The following TMTC2 variants were observed in gnomAD, a reference collection of about 807,000 sequenced individuals.
TMTC2 encodes the protein transmembrane O-mannosyltransferase targeting cadherins 2, also known as protein O-mannosyl-transferase TMTC2.
TMTC2 carries 43 observed loss-of-function variants against 82.4 expected under a neutral mutation model. The ratio of observed to expected loss-of-function variants is 0.52; its 90% confidence interval spans 0.41 to 0.67. The LOEUF (loss-of-function observed/expected upper bound fraction) is 0.67. Among genes scored for constraint, TMTC2 ranks in the 30% least tolerant of loss-of-function variants. The pLI, the probability that TMTC2 is intolerant of heterozygous loss-of-function variation, is 0.00. For synonymous variants in TMTC2, 408 were observed against 381.9 expected (o/e 1.07, Z -0.80); for missense variants, 919 against 1,012.4 (o/e 0.91, Z 1.25).
intron 7 of TMTC2, among the ~76,000 whole-genome samples, chr12:82,975,746 TC>T (rs5799604): frequency 0.91 from 138,210 of 151,824 alleles, 63,039 homozygotes; most frequent in East Asian, 1. Flanking sequence ...TCCATTACAC[TC>T]TTTTGACTCA....
chr12:83,033,021 T>C (rs1001224400), intron 9 of TMTC2, among the ~76,000 whole-genome samples: 9 of 152,238 alleles, frequency 5.9e-5, no homozygotes, highest in Admixed American at 3.9e-4. Context: ...GAGGAATGAC[T>C]GTATAATTAA....
intron 7 of TMTC2, among the ~76,000 whole-genome samples, chr12:82,980,307 A>T (rs1878860483): frequency 6.6e-6 from 1 of 151,860 alleles, no homozygotes; most frequent in Non-Finnish European, 1.5e-5. Flanking sequence ...TCATTAAAAG[A>T]AAAATGACCA....
intron 11 of TMTC2, among the ~76,000 whole-genome samples, chr12:83,079,596 TAGAC>T (rs1883396672): frequency 6.6e-6 from 1 of 152,132 alleles, no homozygotes; most frequent in African/African-American, 2.4e-5. Context: ...ATCAGCAAAT[TAGAC>T]AGACCAGCAA....
At chr12:82,735,427 G>A (rs181200009) in intron 1 of TMTC2, among the ~76,000 whole-genome samples, 270 of 150,734 alleles carry the variant, frequency 1.8e-3, no homozygotes, top group African/African-American at 5.9e-3. Context: ...CTCACTGCAA[G>A]CTCCGCCTCC....
intron 11 of TMTC2, among the ~76,000 whole-genome samples, chr12:83,113,030 A>C (rs1020164492): frequency 6.6e-6 from 1 of 152,100 alleles, no homozygotes; most frequent in African/African-American, 2.4e-5. Flanking sequence ...TTCTTTTTCA[A>C]GTTTGGTTTT....
At chr12:82,713,430 A>T (rs939813074) in intron 1 of TMTC2, among the ~76,000 whole-genome samples, 3 of 152,214 alleles carry the variant, frequency 2.0e-5, no homozygotes, top group African/African-American at 7.2e-5. Context: ...GATGTACCAG[A>T]GACTGGGCAA....
At position 82,895,259 on chromosome 12, in the gene TMTC2, C is replaced by T. The variant is rs977086297; in HGVS notation, c.655-559C>T. On this transcript the variant is annotated intron_variant, in intron 2 of 11. Coordinates refer to ENST00000321196, the MANE Select transcript of TMTC2 (RefSeq NM_152588.3). ...GCCTGGTTTATAAATTCTGCAAGGA[C>T]GGAACTCTTTAAGACAATGAAATGG... is the stretch of plus-strand genomic sequence containing the variant. Among the ~76,000 whole-genome samples, 5 of 152,038 alleles carry T rather than the reference C, an allele frequency of 3.3e-5. No homozygotes were observed. The South Asian group carries it at 8.3e-4, about 25-fold the overall frequency.
At chr12:82,715,671 A>G (rs1873861843) in intron 1 of TMTC2, among the ~76,000 whole-genome samples, 1 of 152,184 alleles carries the variant, frequency 6.6e-6, no homozygotes, top group South Asian at 2.1e-4. Flanking sequence ...AACTTTAAAG[A>G]AGGACTTCAT....
At position 83,021,212 on chromosome 12, in the gene TMTC2, C is replaced by T. The variant is rs541132463; in HGVS notation, c.2071-9586C>T. ...TGCTTTCTTCTCATTGCAAGGTATC[C>T]GATTTCCAGTATTCTTATGTCTTGC... is the stretch of plus-strand genomic sequence containing the variant. On this transcript the variant is annotated intron_variant, in intron 8 of 11. Coordinates refer to ENST00000321196, the MANE Select transcript of TMTC2 (RefSeq NM_152588.3). 5.9e-5 allele frequency among the ~76,000 whole-genome samples: 9 copies of T among 152,102 alleles called. 1 individual carries two copies. The highest frequency in any genetic ancestry group is 4.6e-4 in the Admixed American group (7 of 15,260).
At chr12:83,020,632 G>A (rs1880874850) in intron 8 of TMTC2, among the ~76,000 whole-genome samples, 1 of 150,212 alleles carries the variant, frequency 6.7e-6, no homozygotes, top group Admixed American at 6.7e-5. Context: ...TAAGATGTTG[G>A]TTTTCCCTCT....
At chr12:82,853,409 G>GT (rs1871091654) in intron 1 of TMTC2, among the ~76,000 whole-genome samples, 1 of 151,928 alleles carries the variant, frequency 6.6e-6, no homozygotes, top group South Asian at 2.1e-4. Context: ...GGCCTCAAAG[G>GT]TTTTTTTCTC....
At chr12:82,924,979 C>G (rs1182584644) in intron 3 of TMTC2, among the ~76,000 whole-genome samples, 2 of 152,116 alleles carry the variant, frequency 1.3e-5, no homozygotes, top group Non-Finnish European at 2.9e-5. Flanking sequence ...GACTTTCCCT[C>G]TCATTTTGCA....
chr12:82,965,449 TC>T, intron 5 of TMTC2, 110 bp from the exon 6 acceptor site: 1 of 1,133,598 alleles, frequency 8.8e-7, no homozygotes. Flanking sequence ...AGTATTTTTT[TC>T]TTTTTTAATG....
At chr12:82,902,827 G>T (rs1874090822) in intron 3 of TMTC2, among the ~76,000 whole-genome samples, 1 of 152,040 alleles carries the variant, frequency 6.6e-6, no homozygotes, top group South Asian at 2.1e-4. Context: ...ATATGCCTTT[G>T]TAACAAACCT....
At position 82,896,101 on chromosome 12, in the gene TMTC2, CTG is replaced by C; in HGVS notation, c.941_942del (p.Val314GlyfsTer39). The C allele has an allele frequency of 1.2e-6, 2 of 1,614,118 alleles. No individual in the cohort carries two copies. Among genetic ancestry groups the C allele is most frequent in the Non-Finnish European group, 1.7e-6 (2 of 1,180,030 alleles). On this transcript the variant is annotated frameshift_variant, in exon 3 of 12. Coordinates refer to ENST00000321196, the MANE Select transcript of TMTC2 (RefSeq NM_152588.3). LOFTEE classifies it high-confidence loss of function. ...GTTTGTGACTGGAGAAACCTACACA[CTG>C]TGGCCTTCTATACTGGACTCCTTCT...
rs755268874 is a variant in TMTC2, at chr12:82,895,829, G to C, written c.666G>C (p.Leu222Phe). 1.9e-5 allele frequency: 31 copies of C among 1,604,450 alleles called. No individual in the cohort carries two copies. The South Asian group carries it at 3.3e-4, about 17-fold the overall frequency. ...ILPTIYKRKN[L>F]SLFLSISLLI... ...TCTTTTGGTTTCAGAGGAAGAACTT[G>C]TCGCTTTTCCTAAGCATTAGTTTGT... The change falls in exon 3 of 12, where the codon TTG becomes TTC. Residue 222 changes from leucine to phenylalanine, a missense_variant. Leu to Phe is a conservative substitution (Grantham distance 22). Transcript: ENST00000321196.
intron 1 of TMTC2, among the ~76,000 whole-genome samples, chr12:82,771,203 T>C (rs955034828): frequency 5.3e-5 from 7 of 131,600 alleles, no homozygotes; most frequent in Non-Finnish European, 7.9e-5. Flanking sequence ...CAAGACTCTG[T>C]CTCAAAAAAA....
At chr12:82,906,171 T>A (rs1243345095) in intron 3 of TMTC2, among the ~76,000 whole-genome samples, 1 of 152,146 alleles carries the variant, frequency 6.6e-6, no homozygotes, top group South Asian at 2.1e-4. Context: ...AAATTGACTA[T>A]TTCCTTGTGG....
chr12:82,725,593 T>C (rs1024606776), intron 1 of TMTC2, among the ~76,000 whole-genome samples: 1 of 152,208 alleles, frequency 6.6e-6, no homozygotes, highest in Non-Finnish European at 1.5e-5. Flanking sequence ...TGAGTGACCA[T>C]GGCCCATGAC....
Sources: gnomAD v4.1 joint callset for allele counts (sites outside exome capture counted in the v4.1 genomes callset) on GRCh38, gnomAD v4.1.1 for gene constraint, MANE v1.5 for transcripts, NCBI Gene and HGNC (gene_info 2026-07-23, HGNC 2026-07-21) for gene names.